Variants in MAD1L1 observed in about 807,000 individuals in gnomAD.
The protein encoded by MAD1L1 is mitotic spindle assembly checkpoint protein MAD1.
In MAD1L1, 95 loss-of-function variants were observed where a neutral mutation model predicts 96.9. The ratio of observed to expected loss-of-function variants is 0.98; its 90% CI spans 0.83 to 1.16. The LOEUF is 1.16. Among genes scored for constraint, MAD1L1 ranks in the 50% most tolerant of loss-of-function variants. The probability of loss-of-function intolerance (pLI) is 0.00; values close to 1 mark genes in which losing one functional copy is unlikely to be tolerated. For missense variants in MAD1L1, 1,007 were observed against 954.4 expected, an observed-to-expected ratio of 1.06 and a Z score of -0.73; for synonymous variants, 473 against 396.6, an observed-to-expected ratio of 1.19 and a Z score of -2.29.
At chr7:2,075,975 C>T (rs759201813) in intron 11 of MAD1L1, among the ~76,000 whole-genome samples, 2 of 152,196 alleles carry the variant, frequency 1.3e-5, no homozygotes, top group Non-Finnish European at 2.9e-5. Flanking sequence ...CAGGAGCCCA[C>T]GGCGTGGCCA....
intron 11 of MAD1L1, among the ~76,000 whole-genome samples, chr7:2,113,950 G>C (rs1374287674): frequency 6.6e-6 from 1 of 152,166 alleles, no homozygotes; most frequent in Non-Finnish European, 1.5e-5. Context: ...TGCAGGGCAG[G>C]ACAGGGCCAC....
chr7:2,204,349 G>A (rs1328550749), intron 10 of MAD1L1, among the ~76,000 whole-genome samples: 10 of 152,140 alleles, frequency 6.6e-5, no homozygotes, highest in African/African-American at 2.4e-4. Context: ...GGTATGATCT[G>A]CGCACGTGAA....
intron 18 of MAD1L1, among the ~76,000 whole-genome samples, chr7:1,896,303 A>G (rs1409635394): frequency 6.6e-6 from 1 of 152,236 alleles, no homozygotes; most frequent in Non-Finnish European, 1.5e-5. Flanking sequence ...ACATCCTGCC[A>G]TGGCTGGGAT....
chr7:2,023,784 A>G (rs1479434987), intron 12 of MAD1L1, among the ~76,000 whole-genome samples: 1 of 152,038 alleles, frequency 6.6e-6, no homozygotes, highest in Non-Finnish European at 1.5e-5. Context: ...CCCCATCTCT[A>G]CTAAAAATAC....
At chr7:2,054,328 G>C (rs184281571) in intron 12 of MAD1L1, among the ~76,000 whole-genome samples, 16 of 152,190 alleles carry the variant, frequency 1.1e-4, no homozygotes, top group African/African-American at 3.4e-4. Flanking sequence ...TGGAGGGCTC[G>C]GGCTGGTGGA....
intron 18 of MAD1L1, among the ~76,000 whole-genome samples, chr7:1,827,139 G>A (rs1442821060): frequency 1.3e-5 from 2 of 152,214 alleles, no homozygotes; most frequent in Admixed American, 1.3e-4. Flanking sequence ...GCCACGGGCG[G>A]CTCCAAGGGC....
At chr7:2,000,743 G>C (rs960589520) in intron 14 of MAD1L1, among the ~76,000 whole-genome samples, 1 of 152,224 alleles carries the variant, frequency 6.6e-6, no homozygotes, top group East Asian at 1.9e-4. Flanking sequence ...GCACCAAGAA[G>C]AATGTCCTTA....
intron 6 of MAD1L1, 68 bp downstream of exon 6, chr7:2,219,262 CAG>C: frequency 2.1e-6 from 3 of 1,418,922 alleles, no homozygotes; most frequent in Non-Finnish European, 2.9e-6. Context: ...ACCCAGCCAC[CAG>C]GAGAGAGGTG....
intron 15 of MAD1L1, among the ~76,000 whole-genome samples, chr7:1,977,191 G>A (rs935080576): frequency 2.0e-5 from 3 of 152,260 alleles, no homozygotes; most frequent in African/African-American, 4.8e-5. Context: ...GCTGGGCTGC[G>A]TGGGAGCCCA....
intron 17 of MAD1L1, among the ~76,000 whole-genome samples, chr7:1,931,602 T>G (rs1048539498): frequency 2.0e-5 from 3 of 152,210 alleles, no homozygotes; most frequent in African/African-American, 7.2e-5. Context: ...TCGGACGTCC[T>G]GCTGACTTCC....
chr7:1,956,595 C>G (rs892654748), intron 16 of MAD1L1, among the ~76,000 whole-genome samples: 1 of 152,184 alleles, frequency 6.6e-6, no homozygotes, highest in African/African-American at 2.4e-5. Context: ...GCCCCCACCC[C>G]TCCAAGGCCC....
chr7:2,212,532 G>A (rs555037232), intron 10 of MAD1L1, among the ~76,000 whole-genome samples: 17 of 152,268 alleles, frequency 1.1e-4, no homozygotes, highest in African/African-American at 4.1e-4. Context: ...ATGAGATCTG[G>A]TCATTTAGAA....
At chr7:1,927,978 AGCAGCACGTG>A in intron 17 of MAD1L1, among the ~76,000 whole-genome samples, 1 of 152,356 alleles carries the variant, frequency 6.6e-6, no homozygotes, top group South Asian at 2.1e-4. Flanking sequence ...GGCAGCACCA[AGCAGCACGTG>A]GGGGGCAGCT....
intron 11 of MAD1L1, among the ~76,000 whole-genome samples, chr7:2,126,303 C>T (rs1002189688): frequency 6.6e-6 from 1 of 152,196 alleles, no homozygotes; most frequent in East Asian, 1.9e-4. Context: ...AAGACTCCAC[C>T]TAGAAGGGGA....
chr7:1,839,065 GAT>G (rs1344783545), intron 18 of MAD1L1, among the ~76,000 whole-genome samples: 1 of 152,196 alleles, frequency 6.6e-6, no homozygotes, highest in Non-Finnish European at 1.5e-5. Flanking sequence ...CCCACTCGCA[GAT>G]GGCCAGCTGC....
chr7:1,827,509 GGGTCCTCCCCTCCTGAGCC>G (rs1782468743), intron 18 of MAD1L1, among the ~76,000 whole-genome samples: 6 of 141,412 alleles, frequency 4.2e-5, no homozygotes, highest in Admixed American at 7.0e-5. Flanking sequence ...CCCGGGTGTG[GGGTCCTCCCCTCCTGAGCC>G]CGTCCCGGGT....
At chr7:2,174,947 C>T (rs1004987637) in intron 10 of MAD1L1, among the ~76,000 whole-genome samples, 3 of 152,294 alleles carry the variant, frequency 2.0e-5, no homozygotes, top group East Asian at 1.9e-4. Context: ...GTAAGTTTCA[C>T]GGCAACAGAG....
At chr7:1,821,299 A>G (rs905326565) in intron 18 of MAD1L1, among the ~76,000 whole-genome samples, 1 of 152,110 alleles carries the variant, frequency 6.6e-6, no homozygotes, top group African/African-American at 2.4e-5. Flanking sequence ...AAATAAATCA[A>G]GTTTGTTCTA....
chr7:2,134,503 C>T lies in MAD1L1; in HGVS notation c.1073+14649G>A, dbSNP rs759612468. Reference sequence around the variant, plus strand: ...TGCACTATAGCTAGTACTTCCAGTACGACAGCGAATAGGAGTGGTGAGTGG... The same window carrying T: ...TGCACTATAGCTAGTACTTCCAGTATGACAGCGAATAGGAGTGGTGAGTGG... On this transcript the variant is annotated intron_variant, in intron 11 of 18. Transcript: ENST00000265854. 6.6e-5 allele frequency among the ~76,000 whole-genome samples: 10 copies of T among 152,312 alleles called. No individual in the cohort carries two copies. In the Middle Eastern group the frequency reaches 0.02, roughly 311 times the overall value.
Sources: gnomAD v4.1 joint callset for allele counts (sites outside exome capture counted in the v4.1 genomes callset) on GRCh38, gnomAD v4.1.1 for gene constraint, MANE v1.5 for transcripts, NCBI Gene and HGNC (gene_info 2026-07-23, HGNC 2026-07-21) for gene names.